SUGCT: variants seen among roughly 807,000 people sequenced by gnomAD.
SUGCT encodes succinyl-CoA:glutarate-CoA transferase.
Under a neutral mutation model 55.0 loss-of-function variants are expected in SUGCT, and 41 were observed. That is an observed-to-expected ratio of 0.74 (90% CI 0.58 to 0.97). The LOEUF (loss-of-function observed/expected upper bound fraction) is 0.97, where lower values mean the gene tolerates loss of function less well. SUGCT is among the 50% of genes least tolerant of loss of function. The probability of loss-of-function intolerance (pLI) is 0.00; values close to 1 mark genes in which losing one functional copy is unlikely to be tolerated. For synonymous variants in SUGCT, 187 were observed against 200.4 expected (o/e 0.93, Z 0.56); for missense variants, 568 against 547.8 (o/e 1.04, Z -0.37).
At chr7:40,714,992 G>T (rs1288861859) in intron 12 of SUGCT, among the ~76,000 whole-genome samples, 1 of 152,028 alleles carries the variant, frequency 6.6e-6, no homozygotes, top group Non-Finnish European at 1.5e-5. Flanking sequence ...AAACTCAGCG[G>T]CAAATCACAG....
the SUGCT span, among the ~76,000 whole-genome samples, chr7:40,934,162 C>T: frequency 2.8e-4 from 42 of 152,186 alleles, no homozygotes; most frequent in African/African-American, 7.7e-4. Context: ...TATTCCTTTC[C>T]GTTTGTTAGT....
At chr7:40,320,658 T>G (rs12701815) in intron 9 of SUGCT, among the ~76,000 whole-genome samples, 82,461 of 152,050 alleles carry the variant, frequency 0.54, 24,087 homozygotes, top group Non-Finnish European at 0.66. Context: ...AACCTTCATT[T>G]CCATGTCCTC....
At position 40,314,332 on chromosome 7, in the gene SUGCT, G is replaced by A. The variant is rs116093394; in HGVS notation, c.721-2428G>A. On this transcript the variant is annotated intron_variant, in intron 8 of 13. Coordinates refer to ENST00000335693, the MANE Select transcript of SUGCT (RefSeq NM_001193313.2). ...GAGAAGTAGAAATAACAAGCCTTTTGTGATTGACTACTTGCACAGAATAAC... is the reference window on the plus strand; with the variant it reads ...GAGAAGTAGAAATAACAAGCCTTTTATGATTGACTACTTGCACAGAATAAC... 4.7e-3 allele frequency among the ~76,000 whole-genome samples: 708 copies of A among 152,256 alleles called. 7 individuals carry two copies. Among genetic ancestry groups the A allele is most frequent in the African/African-American group, 0.016 (678 of 41,532 alleles).
At chr7:41,037,163 C>G in the SUGCT span, among the ~76,000 whole-genome samples, 1 of 152,176 alleles carries the variant, frequency 6.6e-6, no homozygotes, top group Non-Finnish European at 1.5e-5. Flanking sequence ...GAAAGCCCTT[C>G]CTTTGGGATT....
the SUGCT span, chr7:40,966,536 G>A: frequency 6.6e-6 from 1 of 152,164 alleles, no homozygotes; most frequent in African/African-American, 2.4e-5. Flanking sequence ...GAGGCGGTGG[G>A]AGGCGAGTAA....
the SUGCT span, among the ~76,000 whole-genome samples, chr7:40,911,164 G>A: frequency 2.0e-5 from 3 of 152,166 alleles, no homozygotes; most frequent in African/African-American, 4.8e-5. Flanking sequence ...TACTGCTTCG[G>A]GGGTGGGATA....
At chr7:40,342,240 G>C (rs1006886762) in intron 9 of SUGCT, among the ~76,000 whole-genome samples, 8 of 152,204 alleles carry the variant, frequency 5.3e-5, no homozygotes, top group African/African-American at 1.9e-4. Flanking sequence ...CTAACTTTCT[G>C]TAATTCATAG....
At chr7:40,312,025 T>A (rs1214928636) in intron 8 of SUGCT, among the ~76,000 whole-genome samples, 1 of 151,208 alleles carries the variant, frequency 6.6e-6, no homozygotes, top group Non-Finnish European at 1.5e-5. Context: ...GTTCTGTTAT[T>A]AACCACCTGT....
At chr7:40,281,878 G>A (rs1022116265) in intron 8 of SUGCT, among the ~76,000 whole-genome samples, 3 of 152,026 alleles carry the variant, frequency 2.0e-5, no homozygotes, top group Admixed American at 6.5e-5. Flanking sequence ...GTCCAGTTTA[G>A]CAGCATAATC....
At chr7:40,611,942 C>T (rs1466743838) in intron 12 of SUGCT, among the ~76,000 whole-genome samples, 1 of 151,828 alleles carries the variant, frequency 6.6e-6, no homozygotes, top group African/African-American at 2.4e-5. Flanking sequence ...GTCTTCTAGT[C>T]ATTTTTATTG....
At chr7:40,732,240 G>C (rs1224101140) in intron 12 of SUGCT, among the ~76,000 whole-genome samples, 1 of 152,152 alleles carries the variant, frequency 6.6e-6, no homozygotes, top group Non-Finnish European at 1.5e-5. Context: ...TCCATTCTCT[G>C]TCTGGCTGGT....
At chr7:40,195,109 T>G (rs1231009375) in intron 6 of SUGCT, 49 bp downstream of exon 6, 4 of 1,535,266 alleles carry the variant, frequency 2.6e-6, no homozygotes, top group Non-Finnish European at 3.5e-6. Flanking sequence ...CCAGTTTCTG[T>G]GTTTTCTTAT....
At chr7:40,250,761 A>G (rs1026260443) in intron 7 of SUGCT, among the ~76,000 whole-genome samples, 9 of 151,696 alleles carry the variant, frequency 5.9e-5, no homozygotes, top group Non-Finnish European at 1.3e-4. Context: ...AATCATTACT[A>G]AAAGATCCTG....
the SUGCT span, among the ~76,000 whole-genome samples, chr7:40,880,350 C>T: frequency 6.6e-6 from 1 of 152,178 alleles, no homozygotes; most frequent in African/African-American, 2.4e-5. Flanking sequence ...TCTGAAGGCA[C>T]AACATAGCTG....
At chr7:40,404,222 G>A (rs1380793577) in intron 9 of SUGCT, among the ~76,000 whole-genome samples, 2 of 152,142 alleles carry the variant, frequency 1.3e-5, no homozygotes, top group Non-Finnish European at 2.9e-5. Flanking sequence ...CTGGGCTTCA[G>A]TTTCCTCATC....
At chr7:40,456,902 G>A (rs1789518576) in intron 10 of SUGCT, among the ~76,000 whole-genome samples, 1 of 152,154 alleles carries the variant, frequency 6.6e-6, no homozygotes, top group African/African-American at 2.4e-5. Context: ...GCCATATTGT[G>A]TAGAACCTTC....
At chr7:40,861,568 T>C (rs779497011), downstream of SUGCT, among the ~76,000 whole-genome samples, 1 of 152,208 alleles carries the variant, frequency 6.6e-6, no homozygotes, top group Admixed American at 6.5e-5. Flanking sequence ...ACACACCAAA[T>C]GGTAATTGAA....
the SUGCT span, among the ~76,000 whole-genome samples, chr7:40,895,114 ATAC>A: frequency 6.6e-6 from 1 of 152,224 alleles, no homozygotes; most frequent in African/African-American, 2.4e-5. Context: ...TCATCATGGA[ATAC>A]TATGTAGCCA....
intron 7 of SUGCT, among the ~76,000 whole-genome samples, chr7:40,272,191 T>TAC (rs1436815135): frequency 0.014 from 1,037 of 71,862 alleles, 57 homozygotes; most frequent in Non-Finnish European, 0.022. Context: ...TATATATATA[T>TAC]ATACAGGGTC....
Sources: gnomAD v4.1 joint callset for allele counts (sites outside exome capture counted in the v4.1 genomes callset) on GRCh38, gnomAD v4.1.1 for gene constraint, MANE v1.5 for transcripts, NCBI Gene and HGNC (gene_info 2026-07-23, HGNC 2026-07-21) for gene names.